CNTN4: variants seen among roughly 807,000 people sequenced by gnomAD.
CNTN4 encodes contactin 4.
Under a neutral mutation model 122.5 loss-of-function variants are expected in CNTN4, and 77 were observed. The ratio of observed to expected loss-of-function variants is 0.63; its 90% CI spans 0.52 to 0.76. The LOEUF (loss-of-function observed/expected upper bound fraction) is 0.76. Ranked by LOEUF, CNTN4 falls within the 30% of genes least tolerant of loss-of-function variation. The pLI is 0.00. For synonymous variants in CNTN4, 512 were observed against 447.0 expected (o/e 1.15, Z -1.83); for missense variants, 1,256 against 1,259.1 (o/e 1.00, Z 0.04).
chr3:2,288,643 A>G (rs1297410190), intron 2 of CNTN4, among the ~76,000 whole-genome samples: 1 of 152,168 alleles, frequency 6.6e-6, no homozygotes, highest in African/African-American at 2.4e-5. Flanking sequence ...ATCCTTAAAC[A>G]GTTTCCATTT....
intron 8 of CNTN4, among the ~76,000 whole-genome samples, chr3:2,879,621 T>C (rs1198312231): frequency 6.9e-6 from 1 of 144,768 alleles, no homozygotes; most frequent in East Asian, 1.9e-4. Context: ...ATTTAATTTA[T>C]AGGAAATATT....
chr3:2,934,133 G>A (rs919738310), intron 13 of CNTN4, among the ~76,000 whole-genome samples: 4 of 152,096 alleles, frequency 2.6e-5, no homozygotes, highest in Non-Finnish European at 4.4e-5. Context: ...GTTACCTTGG[G>A]CAGAGTACTT....
At chr3:2,900,988 A>G (rs1215310722) in intron 11 of CNTN4, among the ~76,000 whole-genome samples, 167 bp downstream of exon 11, 1 of 152,272 alleles carries the variant, frequency 6.6e-6, no homozygotes, top group Non-Finnish European at 1.5e-5. Flanking sequence ...TAGAAAGTGC[A>G]CTTAAATCCA....
intron 4 of CNTN4, 21 bp from the exon 5 acceptor site, chr3:2,736,194 C>T: frequency 1.9e-6 from 3 of 1,611,244 alleles, no homozygotes; most frequent in Non-Finnish European, 8.5e-7. Context: ...TCATTTTGGA[C>T]ATTTTCTCTT....
chr3:2,459,063 T>C (rs1358502550), intron 3 of CNTN4, among the ~76,000 whole-genome samples: 1 of 152,304 alleles, frequency 6.6e-6, no homozygotes, highest in South Asian at 2.1e-4. Flanking sequence ...ATTCCAAATC[T>C]GATAAAAGGA....
intron 4 of CNTN4, among the ~76,000 whole-genome samples, chr3:2,708,726 A>ATC (rs1342185325): frequency 2.8e-3 from 338 of 122,468 alleles, no homozygotes; most frequent in African/African-American, 0.012. Flanking sequence ...GCACGCGCGC[A>ATC]TCACACACAC....
intron 4 of CNTN4, among the ~76,000 whole-genome samples, chr3:2,731,955 A>G (rs575890432): frequency 6.6e-6 from 1 of 152,304 alleles, no homozygotes; most frequent in South Asian, 2.1e-4. Context: ...GAGTTCAACT[A>G]CAAGTGTTCT....
At position 2,340,214 on chromosome 3, in the gene CNTN4, T is replaced by A. The variant is rs79697505; in HGVS notation, c.-89+981T>A. Among the ~76,000 whole-genome samples the A allele has an allele frequency of 7.9e-3, 1,200 of 152,264 alleles. 7 individuals carry two copies. Among genetic ancestry groups the A allele is most frequent in the Non-Finnish European group, 0.012 (838 of 68,028 alleles). ...TCTAATTCACTCATAACAGTATGCC[T>A]AAAAAGAGAGTCTAGTGAAATTAAA... is the stretch of plus-strand genomic sequence containing the variant. On this transcript the variant is annotated intron_variant, in intron 3 of 24. Coordinates refer to ENST00000418658, the MANE Select transcript of CNTN4 (RefSeq NM_175607.3).
chr3:2,736,347 T>A lies in CNTN4; in HGVS notation c.182+6T>A, dbSNP rs1439209971. ...AATCCAAAACCTCATATCAGGTTTG[T>A]TGATGTAAAAGCATGTGTTTCCATG... On this transcript the variant is annotated splice_donor_region_variant and intron_variant, in intron 5 of 24. Transcript: ENST00000418658. The A allele has an allele frequency of 6.2e-7, 1 of 1,613,070 alleles. No homozygotes were observed. The highest frequency in any genetic ancestry group is 1.3e-5 in the African/African-American group (1 of 74,906).
intron 2 of CNTN4, among the ~76,000 whole-genome samples, chr3:2,229,912 A>C (rs188274952): frequency 1.3e-5 from 2 of 152,336 alleles, no homozygotes; most frequent in Admixed American, 1.3e-4. Flanking sequence ...TGTGTTGTGT[A>C]GCGTACTCCA....
chr3:3,045,683 AT>A (rs1700574749), intron 23 of CNTN4, among the ~76,000 whole-genome samples: 1 of 152,224 alleles, frequency 6.6e-6, no homozygotes. Flanking sequence ...TGGGGAAAAA[AT>A]AGAGCAGAAA....
chr3:2,694,862 C>T (rs192213087), intron 4 of CNTN4, among the ~76,000 whole-genome samples: 3 of 152,194 alleles, frequency 2.0e-5, no homozygotes, highest in Admixed American at 2.0e-4. Context: ...GAGGAGTAGA[C>T]CTCACAACGT....
At chr3:2,531,228 A>C (rs2077583973) in intron 3 of CNTN4, among the ~76,000 whole-genome samples, 1 of 152,218 alleles carries the variant, frequency 6.6e-6, no homozygotes, top group Non-Finnish European at 1.5e-5. Flanking sequence ...GAAAGGAGAC[A>C]AGGTGTTGTC....
chr3:2,613,796 G>T (rs2081598281), intron 4 of CNTN4, among the ~76,000 whole-genome samples: 1 of 151,966 alleles, frequency 6.6e-6, no homozygotes, highest in Non-Finnish European at 1.5e-5. Flanking sequence ...TGCTATAAAA[G>T]TCTGATCAAC....
chr3:2,415,985 T>C (rs1026612692), intron 3 of CNTN4, among the ~76,000 whole-genome samples: 4 of 152,176 alleles, frequency 2.6e-5, no homozygotes, highest in Non-Finnish European at 5.9e-5. Context: ...ATAAGGTGAA[T>C]TGGCATGAGA....
chr3:2,856,008 G>A (rs6780485), intron 7 of CNTN4, among the ~76,000 whole-genome samples: 1 of 152,134 alleles, frequency 6.6e-6, no homozygotes, highest in Non-Finnish European at 1.5e-5. Flanking sequence ...TCTGATGAAA[G>A]AGATATACTT....
chr3:2,407,701 C>G (rs555005263), intron 3 of CNTN4, among the ~76,000 whole-genome samples: 1 of 152,090 alleles, frequency 6.6e-6, no homozygotes, highest in South Asian at 2.1e-4. Context: ...AAAATTGATT[C>G]CCAAATGCGT....
chr3:2,446,585 C>A (rs1451643969), intron 3 of CNTN4, among the ~76,000 whole-genome samples: 1 of 152,094 alleles, frequency 6.6e-6, no homozygotes, highest in Non-Finnish European at 1.5e-5. Context: ...TCATTTATAC[C>A]TTCACCCTCA....
intron 6 of CNTN4, among the ~76,000 whole-genome samples, chr3:2,775,081 A>T (rs905060685): frequency 1.3e-5 from 2 of 152,232 alleles, no homozygotes; most frequent in African/African-American, 4.8e-5. Context: ...TTTCCAGCAG[A>T]CATAAGTGAT....
Sources: allele counts gnomAD v4.1 joint callset (sites outside exome capture counted in the v4.1 genomes callset), GRCh38; gene constraint gnomAD v4.1.1; transcripts MANE v1.5; gene names NCBI Gene and HGNC (gene_info 2026-07-23, HGNC 2026-07-21).